Variants in FHIT observed in about 807,000 individuals in gnomAD.
FHIT encodes the protein bis(5'-adenosyl)-triphosphatase.
A neutral mutation model predicts 17.9 loss-of-function variants in FHIT; 19 were observed. The ratio of observed to expected loss-of-function variants is 1.06; its 90% confidence interval spans 0.74 to 1.56. The LOEUF (loss-of-function observed/expected upper bound fraction) is 1.56. Among genes scored for constraint, FHIT ranks in the 40% most tolerant of loss-of-function variants. FHIT has a pLI of 0.00. For missense variants in FHIT, 248 were observed against 189.2 expected, an observed-to-expected ratio of 1.31 and a Z score of -1.82; for synonymous variants, 81 against 69.7, an observed-to-expected ratio of 1.16 and a Z score of -0.81.
chr3:60,441,979 C>T (rs1291635039), intron 5 of FHIT, among the ~76,000 whole-genome samples: 1 of 150,172 alleles, frequency 6.7e-6, no homozygotes, highest in Non-Finnish European at 1.5e-5. Flanking sequence ...CTGCCTTAGT[C>T]TTTCATATAC....
At chr3:60,758,956 A>G in intron 4 of FHIT, among the ~76,000 whole-genome samples, 1 of 152,164 alleles carries the variant, frequency 6.6e-6, no homozygotes, top group East Asian at 1.9e-4. Flanking sequence ...GCAGAGATCT[A>G]AAGGAAAAGA....
intron 3 of FHIT, among the ~76,000 whole-genome samples, chr3:60,848,412 C>A (rs781854896): frequency 1.3e-5 from 2 of 152,096 alleles, no homozygotes; most frequent in African/African-American, 2.4e-5. Flanking sequence ...GGTCTCAGAT[C>A]TCAGCTGTAG....
chr3:60,969,410 T>A (rs886780637), intron 3 of FHIT, among the ~76,000 whole-genome samples: 20 of 152,122 alleles, frequency 1.3e-4, no homozygotes, highest in African/African-American at 4.8e-4. Context: ...TTATTCTGTT[T>A]CTTTTTTAGA....
At chr3:60,253,684 A>G (rs1705839843) in intron 5 of FHIT, among the ~76,000 whole-genome samples, 2 of 152,198 alleles carry the variant, frequency 1.3e-5, no homozygotes, top group Admixed American at 1.3e-4. Flanking sequence ...ATGACTGTTA[A>G]CTATGGAAAC....
intron 5 of FHIT, among the ~76,000 whole-genome samples, chr3:60,408,439 A>T (rs1018715941): frequency 2.6e-5 from 4 of 152,190 alleles, no homozygotes; most frequent in Non-Finnish European, 5.9e-5. Flanking sequence ...CCAGAAGTCC[A>T]CTAAAACCCA....
At chr3:60,449,000 G>T (rs1169372535) in intron 5 of FHIT, among the ~76,000 whole-genome samples, 3 of 152,084 alleles carry the variant, frequency 2.0e-5, no homozygotes, top group African/African-American at 7.2e-5. Context: ...CATCTGGTCT[G>T]CTCTTTTCCA....
chr3:60,711,963 C>G (rs1304736232), intron 4 of FHIT, among the ~76,000 whole-genome samples: 1 of 152,190 alleles, frequency 6.6e-6, no homozygotes, highest in Non-Finnish European at 1.5e-5. Flanking sequence ...CTCCAAGACA[C>G]ATAATTGTCA....
chr3:59,958,545 AC>A (rs1707515155), intron 7 of FHIT, among the ~76,000 whole-genome samples: 4 of 152,236 alleles, frequency 2.6e-5, no homozygotes, highest in Non-Finnish European at 5.9e-5. Flanking sequence ...AGGGAAGATA[AC>A]AAAATCAGGA....
intron 3 of FHIT, among the ~76,000 whole-genome samples, chr3:60,919,700 C>T (rs1553767851): frequency 6.6e-6 from 1 of 152,142 alleles, no homozygotes; most frequent in African/African-American, 2.4e-5. Context: ...TCTTCGAATA[C>T]TTTACCTGTC....
chr3:60,944,444 G>A (rs1380286297), intron 3 of FHIT, among the ~76,000 whole-genome samples: 5 of 152,064 alleles, frequency 3.3e-5, no homozygotes, highest in African/African-American at 1.2e-4. Flanking sequence ...ACATCTGGCT[G>A]CTAGGTTGGC....
chr3:59,967,367 C>T (rs563077148), intron 7 of FHIT, among the ~76,000 whole-genome samples: 2 of 152,138 alleles, frequency 1.3e-5, no homozygotes, highest in South Asian at 4.2e-4. Flanking sequence ...CATAACTGTA[C>T]GTGTGATACT....
intron 7 of FHIT, among the ~76,000 whole-genome samples, chr3:59,996,686 C>T (rs1381089358): frequency 6.6e-6 from 1 of 152,056 alleles, no homozygotes; most frequent in Non-Finnish European, 1.5e-5. Flanking sequence ...GCATGAAAGC[C>T]TGGTGGGTAT....
intron 5 of FHIT, among the ~76,000 whole-genome samples, chr3:60,266,785 T>C (rs917056138): frequency 1.3e-5 from 2 of 151,982 alleles, no homozygotes; most frequent in African/African-American, 4.8e-5. Context: ...TCTAGGAAGA[T>C]GAAAGTGCCA....
At chr3:61,209,636 T>G (rs1377121534) in intron 1 of FHIT, among the ~76,000 whole-genome samples, 1 of 152,226 alleles carries the variant, frequency 6.6e-6, no homozygotes, top group Non-Finnish European at 1.5e-5. Context: ...CGTCACGTGG[T>G]TCTCGTGCCT....
At chr3:60,152,623 A>T (rs369100716) in intron 5 of FHIT, among the ~76,000 whole-genome samples, 95 of 152,300 alleles carry the variant, frequency 6.2e-4, no homozygotes, top group African/African-American at 2.2e-3. Flanking sequence ...CAAAATAACA[A>T]AGGAAAACAT....
At chr3:60,166,260 G>C (rs534378691) in intron 5 of FHIT, among the ~76,000 whole-genome samples, 1 of 152,158 alleles carries the variant, frequency 6.6e-6, no homozygotes, top group African/African-American at 2.4e-5. Context: ...AACAGGAAAT[G>C]TATTTTTGAG....
chr3:61,100,717 C>A (rs1417339188), intron 2 of FHIT, among the ~76,000 whole-genome samples: 3 of 152,226 alleles, frequency 2.0e-5, no homozygotes, highest in Non-Finnish European at 4.4e-5. Context: ...TCCTTTCCAG[C>A]ATCTGTTGTT....
chr3:60,083,641 G>T (rs73093961), intron 5 of FHIT, among the ~76,000 whole-genome samples: 97 of 152,192 alleles, frequency 6.4e-4, no homozygotes, highest in Non-Finnish European at 1.0e-3. Context: ...AGATAGACTG[G>T]TCCCTCAAAC....
At chr3:59,810,924 G>T (rs1048936877) in intron 8 of FHIT, among the ~76,000 whole-genome samples, 10 of 152,174 alleles carry the variant, frequency 6.6e-5, no homozygotes, top group Admixed American at 6.5e-4. Context: ...GTGTTTGGCT[G>T]GTTAATTTAA....
Sources: allele counts gnomAD v4.1 joint callset (sites outside exome capture counted in the v4.1 genomes callset), GRCh38; gene constraint gnomAD v4.1.1; transcripts MANE v1.5; gene names NCBI Gene and HGNC (gene_info 2026-07-23, HGNC 2026-07-21).